DGKB: variants seen among roughly 807,000 people sequenced by gnomAD.
The protein encoded by DGKB is diacylglycerol kinase beta.
DGKB carries 67 observed loss-of-function variants against 114.3 expected under a neutral mutation model. The ratio of observed to expected loss-of-function variants is 0.59; its 90% CI spans 0.48 to 0.72. The LOEUF is 0.72. Ranked by LOEUF, DGKB falls within the 30% of genes least tolerant of loss-of-function variation. The probability of loss-of-function intolerance (pLI) is 0.00; values close to 1 mark genes in which losing one functional copy is unlikely to be tolerated. For missense variants in DGKB, 907 were observed against 975.2 expected (o/e 0.93, Z 0.93); for synonymous variants, 398 against 323.1 (o/e 1.23, Z -2.49).
intron 21 of DGKB, among the ~76,000 whole-genome samples, chr7:14,475,147 G>A (rs1294455162): frequency 2.0e-5 from 3 of 152,050 alleles, no homozygotes; most frequent in Non-Finnish European, 4.4e-5. Flanking sequence ...GAATTTCAAG[G>A]TGAGCATGCT....
chr7:14,934,273 A>G (rs935310094), intron 1 of DGKB, among the ~76,000 whole-genome samples: 1 of 152,188 alleles, frequency 6.6e-6, no homozygotes, highest in Admixed American at 6.6e-5. Flanking sequence ...TAAATTGCTC[A>G]CAGGAGAGAA....
intron 23 of DGKB, among the ~76,000 whole-genome samples, chr7:14,334,389 TGTGTGTGC>T (rs756268709): frequency 1.1e-3 from 96 of 86,652 alleles, no homozygotes; most frequent in South Asian, 8.1e-3. Context: ...TGTGTGTGTG[TGTGTGTGC>T]GCGCGCGTGT....
At chr7:14,924,802 C>A (rs575567546) in intron 1 of DGKB, among the ~76,000 whole-genome samples, 11 of 152,170 alleles carry the variant, frequency 7.2e-5, no homozygotes, top group African/African-American at 2.6e-4. Context: ...TACAGAAACA[C>A]TGAAGTACCC....
chr7:14,417,701 CTTTTT>C (rs144571157), intron 21 of DGKB, among the ~76,000 whole-genome samples: 1 of 148,140 alleles, frequency 6.8e-6, no homozygotes, highest in African/African-American at 2.5e-5. Flanking sequence ...TGATTTTTTA[CTTTTT>C]TTTTTAACTT....
intron 25 of DGKB, among the ~76,000 whole-genome samples, chr7:14,167,889 T>C (rs1247063078): frequency 1.3e-5 from 2 of 152,128 alleles, no homozygotes; most frequent in African/African-American, 4.8e-5. Context: ...TATAACACAA[T>C]ATTAAAACTG....
At chr7:14,886,342 G>A (rs1855046615) in intron 1 of DGKB, among the ~76,000 whole-genome samples, 1 of 151,808 alleles carries the variant, frequency 6.6e-6, no homozygotes, top group Admixed American at 6.6e-5. Flanking sequence ...TTCTTGAGGT[G>A]ACAGCAAGAT....
chr7:14,653,535 C>T (rs148115351), intron 13 of DGKB, among the ~76,000 whole-genome samples: 2,041 of 151,804 alleles, frequency 0.013, 39 homozygotes, highest in African/African-American at 0.047. Context: ...GGGATAGCAT[C>T]GGGAGATATA....
intron 20 of DGKB, among the ~76,000 whole-genome samples, chr7:14,567,353 AAT>A (rs1797649978): frequency 2.8e-4 from 10 of 36,002 alleles, no homozygotes; most frequent in South Asian, 9.1e-4. Flanking sequence ...TTATATATAT[AAT>A]TATATTATAT....
At chr7:14,439,786 C>A (rs529851400) in intron 21 of DGKB, among the ~76,000 whole-genome samples, 4 of 150,718 alleles carry the variant, frequency 2.7e-5, no homozygotes, top group Admixed American at 6.6e-5. Flanking sequence ...ATTGCTTGAG[C>A]CTGGGAGACA....
chr7:14,380,114 C>T (rs779522792), intron 21 of DGKB, among the ~76,000 whole-genome samples: 24 of 152,074 alleles, frequency 1.6e-4, no homozygotes, highest in Non-Finnish European at 2.8e-4. Flanking sequence ...TTGCGTACTT[C>T]GCTATATCCA....
chr7:14,497,520 C>T (rs545699284), intron 20 of DGKB, among the ~76,000 whole-genome samples: 19 of 151,888 alleles, frequency 1.3e-4, no homozygotes, highest in African/African-American at 4.6e-4. Context: ...TTCCTAGGCT[C>T]TCCTAATGGT....
chr7:14,937,066 ACACACAC>A (rs1785311373), intron 1 of DGKB, among the ~76,000 whole-genome samples: 1 of 136,594 alleles, frequency 7.3e-6, no homozygotes, highest in Non-Finnish European at 1.6e-5. Context: ...ACACACACAC[ACACACAC>A]ATCTTTTGTT....
rs562333383 is a variant in DGKB at position 14,164,322 on chromosome 7, A to G, written c.2304+12517T>C. On this transcript the variant is annotated intron_variant, in intron 25 of 25. Coordinates refer to ENST00000402815, the MANE Select transcript of DGKB (RefSeq NM_001350709.2). ...AAAACGGTGTGTCTACCAAGTCAGC[A>G]AGTGTTGCTACAATCGCTGTGCAAC... Among the ~76,000 whole-genome samples, 5 of 152,318 alleles carry G rather than the reference A, an allele frequency of 3.3e-5. No individual in the cohort carries two copies. In the East Asian group the frequency reaches 9.7e-4, roughly 29 times the overall value.
intron 9 of DGKB, among the ~76,000 whole-genome samples, chr7:14,691,963 T>C (rs752015202): frequency 8.5e-5 from 13 of 152,180 alleles, no homozygotes; most frequent in Admixed American, 5.2e-4. Context: ...AAGTAAATTA[T>C]GTACAGTTAA....
intron 14 of DGKB, among the ~76,000 whole-genome samples, chr7:14,624,475 A>T (rs1181944295): frequency 6.6e-6 from 1 of 152,216 alleles, no homozygotes; most frequent in African/African-American, 2.4e-5. Flanking sequence ...TTATGTTTTA[A>T]TGGAAATTTA....
At position 14,192,729 on chromosome 7, in the gene DGKB, CTTTA is replaced by C. The variant is rs753113709; in HGVS notation, c.2123-14582_2123-14579del. ...TATTGTGCACTTTATATTATTAGCA[CTTTA>C]TTTATATTATTACATTGTAATATAT... On this transcript the variant is annotated intron_variant, in intron 23 of 25. Coordinates refer to ENST00000402815, the MANE Select transcript of DGKB (RefSeq NM_001350709.2). Among the ~76,000 whole-genome samples the C allele has an allele frequency of 5.9e-5, 9 of 152,002 alleles. No individual in the cohort carries two copies. In the East Asian group the frequency reaches 7.7e-4, roughly 13 times the overall value.
Position 14,613,901 on chromosome 7 carries a change from A to G in DGKB, c.1285-488T>C, listed in dbSNP as rs182824708. Among the ~76,000 whole-genome samples the G allele has an allele frequency of 1.1e-4, 16 of 152,258 alleles. No individual in the cohort carries two copies. The East Asian group carries it at 1.7e-3, about 17-fold the overall frequency. On this transcript the variant is annotated intron_variant, in intron 15 of 25. Coordinates refer to ENST00000402815, the MANE Select transcript of DGKB (RefSeq NM_001350709.2). ...CACCTGTGAACTGGAAAGAAACTCA[A>G]TAAGATCCTTTGAGGTCCCTTTTGG... is the stretch of plus-strand genomic sequence containing the variant.
At chr7:14,743,877 A>T (rs77878415) in intron 4 of DGKB, among the ~76,000 whole-genome samples, 129 of 152,262 alleles carry the variant, frequency 8.5e-4, no homozygotes, top group Non-Finnish European at 1.2e-3. Flanking sequence ...CAGCTATAAA[A>T]GTTTGATGGG....
intron 19 of DGKB, among the ~76,000 whole-genome samples, chr7:14,579,647 T>C (rs148950905): frequency 1.3e-5 from 2 of 152,282 alleles, no homozygotes; most frequent in African/African-American, 4.8e-5. Context: ...TGAAGTATAT[T>C]CTTACTGAAC....
Sources: allele counts gnomAD v4.1 joint callset (sites outside exome capture counted in the v4.1 genomes callset), GRCh38; gene constraint gnomAD v4.1.1; transcripts MANE v1.5; gene names NCBI Gene and HGNC (gene_info 2026-07-23, HGNC 2026-07-21).